Variants in PTPRD observed in about 807,000 individuals in gnomAD.
PTPRD encodes protein tyrosine phosphatase receptor type D, also known as receptor-type tyrosine-protein phosphatase delta.
In PTPRD, 34 loss-of-function variants were observed where a neutral mutation model predicts 214.5. That is an observed-to-expected ratio of 0.16 (90% CI 0.12 to 0.21). The LOEUF is 0.21. PTPRD is among the 10% of genes least tolerant of loss of function. The probability of loss-of-function intolerance (pLI) is 1.00; values close to 1 mark genes in which losing one functional copy is unlikely to be tolerated. For missense variants in PTPRD, 2,545 were observed against 2,398.7 expected, an observed-to-expected ratio of 1.06 and a Z score of -1.27; for synonymous variants, 1,128 against 845.7, an observed-to-expected ratio of 1.33 and a Z score of -5.79.
intron 2 of PTPRD, among the ~76,000 whole-genome samples, chr9:10,397,914 T>G (rs1196450134): frequency 6.6e-6 from 1 of 151,964 alleles, no homozygotes; most frequent in Non-Finnish European, 1.5e-5. Context: ...AACCATGCAT[T>G]TCTCAGAATG....
intron 5 of PTPRD, among the ~76,000 whole-genome samples, chr9:9,937,685 C>T (rs377297233): frequency 3.3e-4 from 50 of 152,162 alleles, no homozygotes; most frequent in African/African-American, 1.2e-3. Context: ...TGTCCTAGTA[C>T]TGTTGATGAG....
intron 2 of PTPRD, among the ~76,000 whole-genome samples, chr9:10,448,924 T>G (rs1456114757): frequency 6.6e-6 from 1 of 152,100 alleles, no homozygotes; most frequent in African/African-American, 2.4e-5. Context: ...AAATACTTCA[T>G]TAACTTAGTA....
chr9:10,093,740 G>T (rs1023972761), intron 3 of PTPRD, among the ~76,000 whole-genome samples: 2 of 151,318 alleles, frequency 1.3e-5, no homozygotes, highest in African/African-American at 4.8e-5. Context: ...GATACATCTT[G>T]GAATACTATG....
intron 5 of PTPRD, among the ~76,000 whole-genome samples, chr9:9,910,336 T>C (rs1296807040): frequency 1.3e-5 from 2 of 152,024 alleles, no homozygotes. Flanking sequence ...TCTCTCATGA[T>C]ACATGTGTGC....
intron 5 of PTPRD, among the ~76,000 whole-genome samples, chr9:9,814,073 A>T (rs1192264428): frequency 6.6e-6 from 1 of 152,178 alleles, no homozygotes; most frequent in African/African-American, 2.4e-5. Flanking sequence ...AGATGCAGAA[A>T]ATGAATTTGA....
chr9:9,902,285 T>G (rs1269455482), intron 5 of PTPRD, among the ~76,000 whole-genome samples: 1 of 152,216 alleles, frequency 6.6e-6, no homozygotes, highest in Admixed American at 6.5e-5. Flanking sequence ...CTAATTTATG[T>G]ATCTTTGTGA....
chr9:10,457,642 C>T (rs2098928407), intron 2 of PTPRD, among the ~76,000 whole-genome samples: 1 of 151,956 alleles, frequency 6.6e-6, no homozygotes, highest in African/African-American at 2.4e-5. Flanking sequence ...TGTATGTTTA[C>T]TTGTAGCAGA....
intron 2 of PTPRD, among the ~76,000 whole-genome samples, chr9:10,346,475 T>G (rs1372147771): frequency 6.6e-6 from 1 of 152,188 alleles, no homozygotes; most frequent in South Asian, 2.1e-4. Flanking sequence ...ATACAGTAAT[T>G]TAATAATTTA....
chr9:10,469,201 C>T (rs191325129), intron 2 of PTPRD, among the ~76,000 whole-genome samples: 3 of 152,164 alleles, frequency 2.0e-5, no homozygotes, highest in East Asian at 3.9e-4. Context: ...ATACAGAAAA[C>T]AACTTCAGTT....
At chr9:9,311,420 TA>T (rs1958966387) in intron 9 of PTPRD, among the ~76,000 whole-genome samples, 2 of 152,076 alleles carry the variant, frequency 1.3e-5, no homozygotes, top group Non-Finnish European at 2.9e-5. Flanking sequence ...GTCAAACAAA[TA>T]AAACAAAATC....
At chr9:10,513,989 T>C (rs1212200453) in intron 2 of PTPRD, among the ~76,000 whole-genome samples, 1 of 152,206 alleles carries the variant, frequency 6.6e-6, no homozygotes, top group Non-Finnish European at 1.5e-5. Flanking sequence ...TGACAATGAC[T>C]TGACAATGCT....
chr9:10,118,924 G>A (rs551429395), intron 3 of PTPRD, among the ~76,000 whole-genome samples: 15 of 146,574 alleles, frequency 1.0e-4, no homozygotes, highest in African/African-American at 3.2e-4. Context: ...TGAAGGAAGA[G>A]GGCATATTTA....
intron 3 of PTPRD, among the ~76,000 whole-genome samples, chr9:10,158,071 C>T (rs193104649): frequency 1.3e-3 from 202 of 152,028 alleles, no homozygotes; most frequent in African/African-American, 4.6e-3. Context: ...TGCAATGGCG[C>T]GATAACAGCT....
At chr9:10,345,708 A>C (rs2154447980) in intron 2 of PTPRD, among the ~76,000 whole-genome samples, 1 of 152,326 alleles carries the variant, frequency 6.6e-6, no homozygotes, top group South Asian at 2.1e-4. Flanking sequence ...TATTGTGAAC[A>C]GTGTTGCAAA....
At chr9:10,050,557 C>T (rs1399840281) in intron 3 of PTPRD, among the ~76,000 whole-genome samples, 3 of 24,504 alleles carry the variant, frequency 1.2e-4, no homozygotes, top group East Asian at 2.9e-3. Context: ...GAGAGTCTGT[C>T]TCAAAAAAAA....
At chr9:9,805,738 C>G (rs920624261) in intron 5 of PTPRD, among the ~76,000 whole-genome samples, 1 of 152,090 alleles carries the variant, frequency 6.6e-6, no homozygotes, top group African/African-American at 2.4e-5. Context: ...TTACTCTATT[C>G]TCAAAGGAAG....
chr9:8,624,174 G>A lies in PTPRD; in HGVS notation c.352+9143C>T, dbSNP rs578091604. Among the ~76,000 whole-genome samples the A allele has an allele frequency of 2.0e-5, 3 of 151,940 alleles. No individual in the cohort carries two copies. In the East Asian group the frequency reaches 5.8e-4, roughly 30 times the overall value. ...AATGTATAAGCATTCTGAAGAATATGGAAATGTGTGTTAACGTAACAATAA... is the reference window on the plus strand; with the variant it reads ...AATGTATAAGCATTCTGAAGAATATAGAAATGTGTGTTAACGTAACAATAA... On this transcript the variant is annotated intron_variant, in intron 14 of 45. Coordinates refer to ENST00000381196, the MANE Select transcript of PTPRD (RefSeq NM_002839.4).
chr9:8,748,266 C>G (rs1481538266), intron 11 of PTPRD, among the ~76,000 whole-genome samples: 1 of 152,104 alleles, frequency 6.6e-6, no homozygotes. Flanking sequence ...AAGGTGACTG[C>G]ATCCACCTTT....
At chr9:9,441,306 A>G (rs1317708335) in intron 8 of PTPRD, among the ~76,000 whole-genome samples, 3 of 152,238 alleles carry the variant, frequency 2.0e-5, no homozygotes, top group Admixed American at 1.3e-4. Context: ...GAGTTAGGGA[A>G]GAAGGGCTTC....
Sources: allele counts gnomAD v4.1 joint callset (sites outside exome capture counted in the v4.1 genomes callset), GRCh38; gene constraint gnomAD v4.1.1; transcripts MANE v1.5; gene names NCBI Gene and HGNC (gene_info 2026-07-23, HGNC 2026-07-21).